ANKRD31: variants seen among roughly 807,000 people sequenced by gnomAD.
ANKRD31 encodes the protein ankyrin repeat domain 31.
In ANKRD31, 147 loss-of-function variants were observed where a neutral mutation model predicts 186.0. That is an observed-to-expected ratio of 0.79 (90% CI 0.69 to 0.91). ANKRD31 has a LOEUF of 0.91. Ranked by LOEUF, ANKRD31 falls within the 40% of genes least tolerant of loss-of-function variation. The pLI, the probability that ANKRD31 is intolerant of heterozygous loss-of-function variation, is 0.00. For missense variants in ANKRD31, 1,986 were observed against 2,148.8 expected (o/e 0.92, Z 1.50); for synonymous variants, 673 against 736.4 (o/e 0.91, Z 1.39).
chr5:75,091,228 A>G, intron 23 of ANKRD31, 33 bp downstream of exon 23: 5 of 1,496,982 alleles, frequency 3.3e-6, no homozygotes, highest in Non-Finnish European at 4.4e-6. Context: ...CCATTTGAAT[A>G]TGAAGTTAAA....
chr5:75,185,490 G>A (rs985998190), intron 10 of ANKRD31, among the ~76,000 whole-genome samples: 1 of 152,034 alleles, frequency 6.6e-6, no homozygotes, highest in African/African-American at 2.4e-5. Context: ...TCTGGGATGC[G>A]GAGGTTGCAG....
intron 17 of ANKRD31, among the ~76,000 whole-genome samples, chr5:75,119,653 C>G (rs949695373): frequency 1.3e-5 from 2 of 152,184 alleles, no homozygotes; most frequent in African/African-American, 4.8e-5. Flanking sequence ...GTTCCAAGTT[C>G]TCTGAGAAAT....
Position 75,154,251 on chromosome 5 carries a change from T to G in ANKRD31, c.1802A>C (p.Lys601Thr). Residue 601 changes from lysine (K) to threonine (T), a missense_variant, in exon 12 of 26, where the codon AAG becomes ACG. Lys to Thr is a moderately conservative substitution (Grantham distance 78). Coordinates refer to ENST00000506364, the MANE Select transcript of ANKRD31 (RefSeq NM_001372053.1). ...AGGGATATATCTCTCAAGGAGACGC[T>G]TCATACATAAATCCTTGGCCTCATC... ...ALDEAKDLCM[K>T]RLLERYIPKH... 6.5e-7 allele frequency: 1 copy of G among 1,534,940 alleles called. No individual in the cohort carries two copies. Among genetic ancestry groups the G allele is most frequent in the South Asian group, 1.2e-5 (1 of 83,674 alleles).
intron 17 of ANKRD31, among the ~76,000 whole-genome samples, chr5:75,128,921 A>G (rs1371492780): frequency 6.6e-6 from 1 of 152,090 alleles, no homozygotes; most frequent in Non-Finnish European, 1.5e-5. Context: ...TGATCTTGAT[A>G]ATTTGTCTAT....
chr5:75,140,234 A>AGAAAGAAG (rs1750913479), intron 15 of ANKRD31, among the ~76,000 whole-genome samples: 8 of 101,812 alleles, frequency 7.9e-5, no homozygotes, highest in Non-Finnish European at 1.0e-4. Context: ...AAAGAAAGAA[A>AGAAAGAAG]GAAGGAAGGA....
At chr5:75,090,867 T>C (rs949072531) in intron 23 of ANKRD31, among the ~76,000 whole-genome samples, 1 of 152,272 alleles carries the variant, frequency 6.6e-6, no homozygotes, top group Non-Finnish European at 1.5e-5. Flanking sequence ...TTTGCTTTAC[T>C]TCATTAGAAT....
At chr5:75,135,199 T>A (rs1209526498) in intron 17 of ANKRD31, among the ~76,000 whole-genome samples, 1 of 152,164 alleles carries the variant, frequency 6.6e-6, no homozygotes, top group Non-Finnish European at 1.5e-5. Flanking sequence ...ATAAAGGGTA[T>A]TGAATTAGGA....
chr5:75,113,439 T>C (rs1443766236), intron 19 of ANKRD31, among the ~76,000 whole-genome samples: 1 of 152,222 alleles, frequency 6.6e-6, no homozygotes. Context: ...ACTAACATAA[T>C]AATGTCTTGT....
chr5:75,228,736 G>A (rs1163300598), intron 2 of ANKRD31, among the ~76,000 whole-genome samples: 1 of 151,896 alleles, frequency 6.6e-6, no homozygotes, highest in African/African-American at 2.4e-5. Flanking sequence ...TTAATAACCA[G>A]CGACATAGTA....
At chr5:75,152,678 C>T (rs759534536) in intron 12 of ANKRD31, among the ~76,000 whole-genome samples, 1 of 151,862 alleles carries the variant, frequency 6.6e-6, no homozygotes, top group African/African-American at 2.4e-5. Flanking sequence ...ACGTACAAGT[C>T]ACTTTAATAT....
intron 23 of ANKRD31, among the ~76,000 whole-genome samples, chr5:75,084,783 C>T (rs1745355510): frequency 6.6e-6 from 1 of 152,256 alleles, no homozygotes; most frequent in African/African-American, 2.4e-5. Flanking sequence ...TTTAATGTTA[C>T]ATTAATAAAA....
In ANKRD31 at chr5:75,142,614, C is replaced by A. The variant is rs533514067; in HGVS notation, c.3595+1387G>T. On this transcript the variant is annotated intron_variant, in intron 15 of 25. Coordinates refer to ENST00000506364, the MANE Select transcript of ANKRD31 (RefSeq NM_001372053.1). ...TTGATATCTTTCATATTGGTGTTTT[C>A]TGCAAATACTTGTCGATTCTTGACT... Among the ~76,000 whole-genome samples the A allele has an allele frequency of 1.1e-3, 171 of 152,140 alleles. 2 individuals are homozygous for A. Among genetic ancestry groups the A allele is most frequent in the African/African-American group, 4.0e-3 (167 of 41,510 alleles).
chr5:75,180,054 T>C (rs1174614837), intron 10 of ANKRD31, among the ~76,000 whole-genome samples: 1 of 152,124 alleles, frequency 6.6e-6, no homozygotes, highest in Non-Finnish European at 1.5e-5. Flanking sequence ...ACAAAATCAA[T>C]GGGCAAAAAT....
chr5:75,155,798 A>C (rs1221287015), intron 11 of ANKRD31, among the ~76,000 whole-genome samples: 1 of 152,114 alleles, frequency 6.6e-6, no homozygotes, highest in African/African-American at 2.4e-5. Context: ...AGTAGTTTGA[A>C]TCTTTCTCTC....
chr5:75,185,491 G>A (rs1473088044), intron 10 of ANKRD31, among the ~76,000 whole-genome samples: 1 of 152,124 alleles, frequency 6.6e-6, no homozygotes, highest in Non-Finnish European at 1.5e-5. Context: ...CTGGGATGCG[G>A]AGGTTGCAGT....
chr5:75,106,774 A>C (rs1187721431), intron 21 of ANKRD31, among the ~76,000 whole-genome samples: 1 of 152,038 alleles, frequency 6.6e-6, no homozygotes, highest in Admixed American at 6.6e-5. Context: ...ACAAGAAGGA[A>C]ACAGAAGGGA....
At chr5:75,217,432 G>C (rs1757027116) in intron 3 of ANKRD31, among the ~76,000 whole-genome samples, 1 of 152,176 alleles carries the variant, frequency 6.6e-6, no homozygotes, top group Non-Finnish European at 1.5e-5. Flanking sequence ...ATTTAGGACA[G>C]TTAAGTCTTC....
intron 11 of ANKRD31, among the ~76,000 whole-genome samples, chr5:75,167,577 C>A (rs1418305001): frequency 6.6e-6 from 1 of 152,182 alleles, no homozygotes; most frequent in Non-Finnish European, 1.5e-5. Flanking sequence ...GAACCACAGG[C>A]AGATTGGAGG....
At chr5:75,158,192 C>A (rs1752324080) in intron 11 of ANKRD31, among the ~76,000 whole-genome samples, 1 of 152,090 alleles carries the variant, frequency 6.6e-6, no homozygotes, top group African/African-American at 2.4e-5. Context: ...TGAACATAGT[C>A]TATAAGCCAC....
Sources: gnomAD v4.1 joint callset for allele counts (sites outside exome capture counted in the v4.1 genomes callset) on GRCh38, gnomAD v4.1.1 for gene constraint, MANE v1.5 for transcripts, NCBI Gene and HGNC (gene_info 2026-07-23, HGNC 2026-07-21) for gene names.